SYTL2: variants seen among roughly 807,000 people sequenced by gnomAD.
SYTL2 encodes the protein synaptotagmin-like protein 2.
SYTL2 carries 165 observed loss-of-function variants against 198.7 expected under a neutral mutation model. The ratio of observed to expected loss-of-function variants is 0.83; its 90% CI spans 0.73 to 0.94. The LOEUF (loss-of-function observed/expected upper bound fraction) is 0.94. Ranked by LOEUF, SYTL2 falls within the 40% of genes least tolerant of loss-of-function variation. The probability of loss-of-function intolerance (pLI) is 0.00; values close to 1 mark genes in which losing one functional copy is unlikely to be tolerated. For missense variants in SYTL2, 2,835 were observed against 2,582.8 expected (o/e 1.10, Z -2.12); for synonymous variants, 966 against 917.7 (o/e 1.05, Z -0.95).
the SYTL2 span, among the ~76,000 whole-genome samples, chr11:85,838,327 G>A: frequency 1.7e-4 from 26 of 152,098 alleles, no homozygotes; most frequent in Non-Finnish European, 2.4e-4. Context: ...CATATTTTGC[G>A]TTACACAAAG....
At chr11:85,818,182 C>T in the SYTL2 span, among the ~76,000 whole-genome samples, 3 of 152,136 alleles carry the variant, frequency 2.0e-5, no homozygotes, top group East Asian at 5.8e-4. Flanking sequence ...GTATTACAGG[C>T]GTGAGCCACC....
In SYTL2 at chr11:85,773,880, C is replaced by G. The variant is rs565756060; in HGVS notation, c.-389-15766G>C. Among the ~76,000 whole-genome samples, 72 of 152,190 alleles carry G rather than the reference C, an allele frequency of 4.7e-4. 1 individual carries two copies. Among genetic ancestry groups the G allele is most frequent in the Middle Eastern group, 3.4e-3 (1 of 294 alleles). ...TGAAAAATATATATTAAATTTGTCC[C>G]TGAAAAACCTCTCTTTAAACCAACT... On this transcript the variant is annotated intron_variant, in intron 1 of 19. Coordinates refer to ENST00000359152, the MANE Select transcript of SYTL2 (RefSeq NM_206927.4).
intron 15 of SYTL2, among the ~76,000 whole-genome samples, chr11:85,707,171 T>C (rs1327401222): frequency 6.6e-6 from 1 of 152,228 alleles, no homozygotes; most frequent in Non-Finnish European, 1.5e-5. Flanking sequence ...AGTTACTTCA[T>C]TTCTCCAAGT....
intron 1 of SYTL2, among the ~76,000 whole-genome samples, chr11:85,794,398 C>G (rs2092773753): frequency 1.3e-5 from 2 of 151,546 alleles, no homozygotes; most frequent in South Asian, 4.2e-4. Flanking sequence ...CAGGGTGTCT[C>G]AAACCTCAGG....
Position 85,727,555 on chromosome 11 carries a change from A to G in SYTL2, c.1803T>C (p.Ser601=), listed in dbSNP as rs1210590333. Residue 601 remains serine, a synonymous_variant, in exon 8 of 20, where the codon TCT becomes TCC. Coordinates refer to ENST00000359152, the MANE Select transcript of SYTL2 (RefSeq NM_206927.4). ...PFQAEGDMLV[S]ESCQDNNVNI... Reference sequence around the variant, plus strand: ...TCACATTATTATCTTGGCAACTTTCAGAAACCAGCATATCTCCCTCTGCTT... The same window carrying G: ...TCACATTATTATCTTGGCAACTTTCGGAAACCAGCATATCTCCCTCTGCTT... The G allele has an allele frequency of 6.5e-7, 1 of 1,536,092 alleles. No individual in the cohort carries two copies. Among genetic ancestry groups the G allele is most frequent in the Admixed American group, 2.0e-5 (1 of 50,998 alleles).
At chr11:85,780,972 T>C (rs564290077) in intron 1 of SYTL2, among the ~76,000 whole-genome samples, 1 of 152,332 alleles carries the variant, frequency 6.6e-6, no homozygotes, top group African/African-American at 2.4e-5. Context: ...TAGAACTGAT[T>C]GCTTGCTTGG....
In SYTL2 at chr11:85,758,131, C is replaced by G. The variant is rs141930606; in HGVS notation, c.-389-17G>C. 8.4e-4 allele frequency: 142 copies of G among 169,876 alleles called. No homozygotes were observed. Among genetic ancestry groups the G allele is most frequent in the African/African-American group, 3.2e-3 (136 of 42,492 alleles). The allele number at this position is 169,876 out of a possible 1,614,324, so 10.5% of individuals were successfully genotyped here. ...ATCACCTACCTGGGGAATCATGAGACAGCAAACACCAGACAGTGAGAGGCA... is the reference window on the plus strand; with the variant it reads ...ATCACCTACCTGGGGAATCATGAGAGAGCAAACACCAGACAGTGAGAGGCA... On this transcript the variant is annotated splice_polypyrimidine_tract_variant and intron_variant, in intron 1 of 19. Coordinates refer to ENST00000359152, the MANE Select transcript of SYTL2 (RefSeq NM_206927.4).
intron 1 of SYTL2, among the ~76,000 whole-genome samples, chr11:85,786,123 T>G (rs2092631926): frequency 6.6e-6 from 1 of 152,116 alleles, no homozygotes; most frequent in African/African-American, 2.4e-5. Flanking sequence ...TCAAGGGAAT[T>G]GTGCTAAATA....
rs750959176 is a variant in SYTL2 at position 85,711,243 on chromosome 11, G to A, written c.5626-11C>T. On this transcript the variant is annotated splice_polypyrimidine_tract_variant and intron_variant, in intron 12 of 19. Coordinates refer to ENST00000359152, the MANE Select transcript of SYTL2 (RefSeq NM_206927.4). ...TTCTCTGTCATCACTCTACAAAACA[G>A]CATATAATATGCACAATATTTAAAT... 10 of 1,610,582 alleles carry A rather than the reference G, an allele frequency of 6.2e-6. No homozygotes were observed. In the South Asian group the frequency reaches 1.1e-4, roughly 18 times the overall value.
At chr11:85,745,274 A>G (rs377099153) in intron 4 of SYTL2, among the ~76,000 whole-genome samples, 2 of 152,100 alleles carry the variant, frequency 1.3e-5, no homozygotes, top group Non-Finnish European at 2.9e-5. Context: ...CAATCTGATC[A>G]TAGTTTATCT....
chr11:85,847,601 G>C, the SYTL2 span, among the ~76,000 whole-genome samples: 6 of 152,142 alleles, frequency 3.9e-5, no homozygotes, highest in Non-Finnish European at 7.3e-5. Context: ...ATATATGAAA[G>C]TTCCAGTTAC....
chr11:85,721,269 G>A (rs2088271880), intron 8 of SYTL2, among the ~76,000 whole-genome samples: 1 of 152,164 alleles, frequency 6.6e-6, no homozygotes, highest in Non-Finnish European at 1.5e-5. Flanking sequence ...GCCAGACATT[G>A]ACTCTTCCCA....
At position 85,791,166 on chromosome 11, in the gene SYTL2, CAAAAAAAAAA is replaced by C. The variant is rs568061365; in HGVS notation, c.-390+19778_-390+19787del. ...TGGGCAGCAGAGCTAGAGTCTGCCT[CAAAAAAAAAA>C]AAAAAAAAAAAAAAAAAAACAACCT... On this transcript the variant is annotated intron_variant, in intron 1 of 19. Transcript: ENST00000359152. Among the ~76,000 whole-genome samples the C allele has an allele frequency of 9.9e-4, 39 of 39,534 alleles. 1 individual carries two copies. The highest frequency in any genetic ancestry group is 4.3e-3 in the African/African-American group (34 of 7,980). 25.9% of individuals were successfully genotyped at this position (39,534 alleles called of 152,430 possible).
chr11:85,833,016 AAAGAAAGAAAGAAAGAAAGAAAG>A, the SYTL2 span, among the ~76,000 whole-genome samples: 223 of 21,130 alleles, frequency 0.011, 17 homozygotes, highest in African/African-American at 0.019. Context: ...GAAAGAAAAG[AAAGAAAGAAAGAAAGAAAGAAAG>A]AAAGAAAGAA....
intron 1 of SYTL2, among the ~76,000 whole-genome samples, chr11:85,768,573 T>A (rs1437544885): frequency 6.6e-6 from 1 of 152,140 alleles, no homozygotes; most frequent in East Asian, 1.9e-4. Context: ...ACTAACTCAA[T>A]CCCTTTCCAT....
chr11:85,833,002 A>AAAAG, the SYTL2 span, among the ~76,000 whole-genome samples: 1 of 91,782 alleles, frequency 1.1e-5, no homozygotes, highest in Non-Finnish European at 2.2e-5. Context: ...TCTCAAAAAA[A>AAAAG]AAAGAAAGAA....
chr11:85,846,193 T>C, the SYTL2 span, among the ~76,000 whole-genome samples: 398 of 152,318 alleles, frequency 2.6e-3, 2 homozygotes, highest in Non-Finnish European at 4.4e-3. Flanking sequence ...TCATAGGAGA[T>C]AGACTTCTTA....
intron 1 of SYTL2, among the ~76,000 whole-genome samples, chr11:85,789,440 G>A (rs527373741): frequency 8.8e-4 from 104 of 118,672 alleles, no homozygotes; most frequent in African/African-American, 3.1e-3. Flanking sequence ...TCCCTATCTT[G>A]CACAGGCTGG....
At chr11:85,732,871 T>C (rs1054927782) in intron 7 of SYTL2, among the ~76,000 whole-genome samples, 18 of 152,212 alleles carry the variant, frequency 1.2e-4, no homozygotes, top group African/African-American at 3.6e-4. Context: ...CAGCATGTTT[T>C]TTTCTATTGT....
Sources: allele counts gnomAD v4.1 joint callset (sites outside exome capture counted in the v4.1 genomes callset), GRCh38; gene constraint gnomAD v4.1.1; transcripts MANE v1.5; gene names NCBI Gene and HGNC (gene_info 2026-07-23, HGNC 2026-07-21).